CA10: variants seen among roughly 807,000 people sequenced by gnomAD.
CA10 encodes the protein carbonic anhydrase-related protein 10.
CA10 carries 14 observed loss-of-function variants against 44.2 expected under a neutral mutation model. The observed-to-expected ratio is 0.32, with a 90% CI of 0.21 to 0.50. The LOEUF (loss-of-function observed/expected upper bound fraction) is 0.50, where lower values mean the gene tolerates loss of function less well. Among genes scored for constraint, CA10 ranks in the 20% least tolerant of loss-of-function variants. The pLI, the probability that CA10 is intolerant of heterozygous loss-of-function variation, is 0.99. For synonymous variants in CA10, 159 were observed against 141.6 expected (o/e 1.12, Z -0.87); for missense variants, 350 against 409.7 (o/e 0.85, Z 1.26).
At position 51,891,640 on chromosome 17, in the gene CA10, A is replaced by T. The variant is rs1163337583; in HGVS notation, c.279+39350T>A. ...GATGGAAAAATAGACAGTGGTTTAC[A>T]TGAGAAAGCAGTTGGTTTACTCTAT... On this transcript the variant is annotated intron_variant, in intron 3 of 8. Transcript: ENST00000451037. Among the ~76,000 whole-genome samples, 13 of 152,248 alleles carry T rather than the reference A, an allele frequency of 8.5e-5. No individual in the cohort carries two copies. The East Asian group carries it at 2.5e-3, about 29-fold the overall frequency.
rs371903999 is a variant in CA10 at position 51,783,310 on chromosome 17, A to G, written c.280-35492T>C. ...TCATTGCTCTATTCTCAAAATGTAG[A>G]ACAGTGTTTCACACACCCTGGGTAC... is the stretch of plus-strand genomic sequence containing the variant. On this transcript the variant is annotated intron_variant, in intron 3 of 8. Transcript: ENST00000451037. Among the ~76,000 whole-genome samples the G allele has an allele frequency of 5.3e-5, 8 of 152,230 alleles. No individual in the cohort carries two copies. The East Asian group carries it at 5.8e-4, about 11-fold the overall frequency.
At chr17:51,736,809 C>T (rs1301300695) in intron 4 of CA10, among the ~76,000 whole-genome samples, 2 of 152,142 alleles carry the variant, frequency 1.3e-5, no homozygotes, top group South Asian at 2.1e-4. Context: ...TAGCTTCCAT[C>T]TGGGAACTGT....
intron 3 of CA10, among the ~76,000 whole-genome samples, chr17:51,909,931 A>C (rs1305169725): frequency 2.0e-5 from 3 of 152,092 alleles, no homozygotes; most frequent in African/African-American, 7.2e-5. Flanking sequence ...TCCACTCTGT[A>C]ATTGGAAAAA....
At chr17:52,021,552 A>T (rs1487839541) in intron 2 of CA10, among the ~76,000 whole-genome samples, 1 of 152,192 alleles carries the variant, frequency 6.6e-6, no homozygotes, top group East Asian at 1.9e-4. Flanking sequence ...TCTGATAATT[A>T]GTAATGTTGT....
At chr17:51,816,226 G>T (rs922522848) in intron 3 of CA10, among the ~76,000 whole-genome samples, 1 of 152,166 alleles carries the variant, frequency 6.6e-6, no homozygotes, top group African/African-American at 2.4e-5. Flanking sequence ...TTCCATCCAT[G>T]TTGGTGCAAT....
At chr17:52,095,167 A>G (rs963683623) in intron 1 of CA10, among the ~76,000 whole-genome samples, 2 of 152,190 alleles carry the variant, frequency 1.3e-5, no homozygotes, top group Admixed American at 6.5e-5. Flanking sequence ...TACCTTGAAC[A>G]ACATAGGTGA....
At chr17:51,740,623 T>G (rs145229578) in intron 4 of CA10, among the ~76,000 whole-genome samples, 1 of 152,180 alleles carries the variant, frequency 6.6e-6, no homozygotes, top group Non-Finnish European at 1.5e-5. Context: ...AAAGTGCACA[T>G]AGAGAGGACC....
At chr17:51,986,402 C>G (rs1984838413) in intron 2 of CA10, among the ~76,000 whole-genome samples, 1 of 151,942 alleles carries the variant, frequency 6.6e-6, no homozygotes, top group Non-Finnish European at 1.5e-5. Flanking sequence ...TGTAAAAATT[C>G]CAGAAGATAA....
At chr17:51,920,036 C>T (rs930285208) in intron 3 of CA10, among the ~76,000 whole-genome samples, 14 of 152,086 alleles carry the variant, frequency 9.2e-5, no homozygotes, top group African/African-American at 3.4e-4. Flanking sequence ...TCATGAGATT[C>T]CTGGAAAACA....
At chr17:51,999,199 A>G (rs114037769) in intron 2 of CA10, among the ~76,000 whole-genome samples, 327 of 152,162 alleles carry the variant, frequency 2.1e-3, no homozygotes, top group African/African-American at 7.5e-3. Flanking sequence ...GTCTTGTGCA[A>G]TCACTCCATG....
intron 1 of CA10, among the ~76,000 whole-genome samples, chr17:52,092,246 G>A (rs1264218252): frequency 1.3e-5 from 2 of 152,162 alleles, no homozygotes; most frequent in African/African-American, 2.4e-5. Context: ...TTTCTTAAAA[G>A]GGAAGGGGAC....
chr17:51,802,392 A>T (rs1475445780), intron 3 of CA10, among the ~76,000 whole-genome samples: 1 of 152,060 alleles, frequency 6.6e-6, no homozygotes, highest in Non-Finnish European at 1.5e-5. Context: ...CTCTCCAAAA[A>T]GGCTTTGTCT....
chr17:51,680,279 T>C (rs1195411541), intron 4 of CA10, among the ~76,000 whole-genome samples: 1 of 152,098 alleles, frequency 6.6e-6, no homozygotes, highest in African/African-American at 2.4e-5. Flanking sequence ...AGTAAATGCA[T>C]AGGCTTGGAA....
At chr17:52,007,107 C>G (rs2144128547) in intron 2 of CA10, among the ~76,000 whole-genome samples, 1 of 151,654 alleles carries the variant, frequency 6.6e-6, no homozygotes, top group Admixed American at 6.6e-5. Context: ...TTATATTGAT[C>G]TGATGTGCAA....
chr17:51,958,239 T>A (rs558384063), intron 2 of CA10, among the ~76,000 whole-genome samples: 1 of 147,888 alleles, frequency 6.8e-6, no homozygotes, highest in African/African-American at 2.5e-5. Context: ...TAAGTATGAT[T>A]CTACTGAAAA....
chr17:51,867,581 C>T (rs1014284487), intron 3 of CA10, among the ~76,000 whole-genome samples: 1 of 152,210 alleles, frequency 6.6e-6, no homozygotes, highest in Non-Finnish European at 1.5e-5. Context: ...ACAGACTGCA[C>T]TTGTCACACA....
chr17:52,058,666 G>T (rs1315486950), intron 2 of CA10, among the ~76,000 whole-genome samples: 1 of 152,180 alleles, frequency 6.6e-6, no homozygotes, highest in Non-Finnish European at 1.5e-5. Flanking sequence ...CACCAGCAAT[G>T]ATCTTTTCCA....
At position 51,728,401 on chromosome 17, in the gene CA10, A is replaced by G. The variant is rs532819106; in HGVS notation, c.465+19232T>C. On this transcript the variant is annotated intron_variant, in intron 4 of 8. Coordinates refer to ENST00000451037, the MANE Select transcript of CA10 (RefSeq NM_020178.5). ...TACTGTCCTTTTTCTGTTGCAGGAT[A>G]TAATCCAGGATCTCACATACAATTA... 2.6e-5 allele frequency among the ~76,000 whole-genome samples: 4 copies of G among 152,280 alleles called. No homozygotes were observed. The East Asian group carries it at 5.8e-4, about 22-fold the overall frequency.
intron 1 of CA10, among the ~76,000 whole-genome samples, chr17:52,109,772 G>C (rs1450677804): frequency 6.6e-6 from 1 of 152,172 alleles, no homozygotes; most frequent in African/African-American, 2.4e-5. Context: ...TAGATCAGTG[G>C]TCCAAAAGAT....
Sources: allele counts gnomAD v4.1 joint callset (sites outside exome capture counted in the v4.1 genomes callset), GRCh38; gene constraint gnomAD v4.1.1; transcripts MANE v1.5; gene names NCBI Gene and HGNC (gene_info 2026-07-23, HGNC 2026-07-21).